ARHGAP10: variants seen among roughly 807,000 people sequenced by gnomAD.
The protein encoded by ARHGAP10 is rho GTPase-activating protein 10.
Under a neutral mutation model 108.6 loss-of-function variants are expected in ARHGAP10, and 87 were observed. The observed-to-expected ratio is 0.80, with a 90% CI of 0.67 to 0.96. ARHGAP10 has a LOEUF of 0.96. Ranked by LOEUF, ARHGAP10 falls within the 40% of genes least tolerant of loss-of-function variation. The probability of loss-of-function intolerance (pLI) is 0.00; values close to 1 mark genes in which losing one functional copy is unlikely to be tolerated. For missense variants in ARHGAP10, 939 were observed against 954.5 expected (o/e 0.98, Z 0.21); for synonymous variants, 347 against 341.1 (o/e 1.02, Z -0.19).
chr4:147,793,900 A>G (rs1169582401), intron 1 of ARHGAP10, among the ~76,000 whole-genome samples: 1 of 152,238 alleles, frequency 6.6e-6, no homozygotes, highest in East Asian at 1.9e-4. Flanking sequence ...CCACCTGCAA[A>G]GTAGGTTCAG....
intron 1 of ARHGAP10, among the ~76,000 whole-genome samples, chr4:147,815,772 G>A (rs1300702556): frequency 6.6e-6 from 1 of 152,140 alleles, no homozygotes; most frequent in African/African-American, 2.4e-5. Context: ...AGGTTGAGGT[G>A]GGAGTTTCTC....
chr4:147,998,873 T>G (rs1435611664), intron 18 of ARHGAP10, among the ~76,000 whole-genome samples: 7 of 152,222 alleles, frequency 4.6e-5, no homozygotes, highest in Non-Finnish European at 5.9e-5. Context: ...GTTGAAATGT[T>G]TATAATATTG....
intron 22 of ARHGAP10, among the ~76,000 whole-genome samples, chr4:148,066,347 G>A (rs1729874772): frequency 6.6e-6 from 1 of 152,204 alleles, no homozygotes; most frequent in South Asian, 2.1e-4. Context: ...CAAGGATTTA[G>A]ACCAATGAGA....
intron 18 of ARHGAP10, among the ~76,000 whole-genome samples, chr4:147,975,156 A>T (rs898970744): frequency 2.0e-5 from 3 of 152,226 alleles, no homozygotes; most frequent in Non-Finnish European, 4.4e-5. Flanking sequence ...ATAACTTTGT[A>T]ATAAGCATTT....
chr4:147,755,084 A>G (rs1729314027), intron 1 of ARHGAP10, among the ~76,000 whole-genome samples: 1 of 145,578 alleles, frequency 6.9e-6, no homozygotes, highest in Non-Finnish European at 1.5e-5. Context: ...CTCCGTCTCA[A>G]AAAAAAAAAA....
chr4:148,028,009 C>T (rs572995897), intron 19 of ARHGAP10, among the ~76,000 whole-genome samples: 10 of 152,084 alleles, frequency 6.6e-5, no homozygotes, highest in African/African-American at 1.9e-4. Context: ...CTGCCACATA[C>T]GGTTTTTCCT....
intron 3 of ARHGAP10, among the ~76,000 whole-genome samples, chr4:147,842,084 C>T (rs1002007944): frequency 5.9e-5 from 9 of 152,108 alleles, no homozygotes; most frequent in African/African-American, 2.2e-4. Flanking sequence ...CAGGTGCCTG[C>T]CACCATGCCC....
At chr4:147,914,862 C>G (rs935914759) in intron 13 of ARHGAP10, among the ~76,000 whole-genome samples, 1 of 151,964 alleles carries the variant, frequency 6.6e-6, no homozygotes, top group Non-Finnish European at 1.5e-5. Context: ...TTTTAAGTCT[C>G]TAAGCAAAAA....
chr4:147,897,735 T>C (rs576912138), intron 10 of ARHGAP10, among the ~76,000 whole-genome samples: 1 of 152,348 alleles, frequency 6.6e-6, no homozygotes, highest in East Asian at 1.9e-4. Flanking sequence ...ACATATGTTA[T>C]GAAGTAATTA....
chr4:147,819,925 G>A (rs1251563809), intron 1 of ARHGAP10, among the ~76,000 whole-genome samples: 1 of 152,182 alleles, frequency 6.6e-6, no homozygotes, highest in African/African-American at 2.4e-5. Flanking sequence ...ACTGACAGCC[G>A]TCGCTTCAGG....
intron 3 of ARHGAP10, among the ~76,000 whole-genome samples, chr4:147,840,258 A>G (rs1020980727): frequency 2.0e-5 from 3 of 152,100 alleles, no homozygotes; most frequent in African/African-American, 7.2e-5. Context: ...GCTACTCTGC[A>G]GCTTCTACCC....
At chr4:147,932,185 G>GA (rs1168710628) in intron 13 of ARHGAP10, among the ~76,000 whole-genome samples, 1 of 152,160 alleles carries the variant, frequency 6.6e-6, no homozygotes, top group Non-Finnish European at 1.5e-5. Flanking sequence ...AGATTGTGGA[G>GA]AAAAAGGAAC....
intron 1 of ARHGAP10, among the ~76,000 whole-genome samples, chr4:147,780,008 C>A (rs1464054802): frequency 6.6e-6 from 1 of 152,160 alleles, no homozygotes; most frequent in Non-Finnish European, 1.5e-5. Flanking sequence ...CATGGGATTG[C>A]AGTATCTTTA....
intron 18 of ARHGAP10, among the ~76,000 whole-genome samples, chr4:147,981,745 G>A (rs903378052): frequency 2.0e-5 from 3 of 152,168 alleles, no homozygotes; most frequent in African/African-American, 7.2e-5. Flanking sequence ...CCAGTGTTGG[G>A]TGCAAATACA....
chr4:148,064,546 G>C (rs181701756), intron 22 of ARHGAP10, 39 bp downstream of exon 22: 23 of 1,535,428 alleles, frequency 1.5e-5, no homozygotes, highest in Non-Finnish European at 2.1e-5. Flanking sequence ...AATCCTGTCC[G>C]CAGGATTAAT....
At chr4:147,900,004 A>T (rs549045399) in intron 10 of ARHGAP10, among the ~76,000 whole-genome samples, 10 of 152,072 alleles carry the variant, frequency 6.6e-5, no homozygotes, top group African/African-American at 2.4e-4. Flanking sequence ...GTTTACAATA[A>T]TGTCTCCTTA....
chr4:147,999,599 G>A (rs1315024908), intron 18 of ARHGAP10, among the ~76,000 whole-genome samples: 2 of 152,194 alleles, frequency 1.3e-5, no homozygotes, highest in Non-Finnish European at 1.5e-5. Context: ...GCCCATGTTC[G>A]TCGTAATGGA....
At chr4:147,769,797 T>G (rs1729998194) in intron 1 of ARHGAP10, among the ~76,000 whole-genome samples, 1 of 152,226 alleles carries the variant, frequency 6.6e-6, no homozygotes, top group Non-Finnish European at 1.5e-5. Context: ...GGAACCTGTT[T>G]TCTCCTGTAC....
At chr4:147,955,052 A>G (rs1738736922) in intron 15 of ARHGAP10, among the ~76,000 whole-genome samples, 1 of 152,090 alleles carries the variant, frequency 6.6e-6, no homozygotes, top group Admixed American at 6.6e-5. Flanking sequence ...TCACAAAGCT[A>G]CTTTCCGTGA....
Sources: allele counts gnomAD v4.1 joint callset (sites outside exome capture counted in the v4.1 genomes callset), GRCh38; gene constraint gnomAD v4.1.1; transcripts MANE v1.5; gene names NCBI Gene and HGNC (gene_info 2026-07-23, HGNC 2026-07-21).